Variants in CDH18 observed in about 807,000 individuals in gnomAD.
CDH18 encodes cadherin 18.
A neutral mutation model predicts 67.9 loss-of-function variants in CDH18; 31 were observed. That is an observed-to-expected ratio of 0.46 (90% CI 0.34 to 0.62). The LOEUF is 0.62. CDH18 is among the 20% of genes least tolerant of loss of function. The pLI is 0.01. For missense variants in CDH18, 890 were observed against 975.5 expected, an observed-to-expected ratio of 0.91 and a Z score of 1.17; for synonymous variants, 362 against 347.2, an observed-to-expected ratio of 1.04 and a Z score of -0.48.
At chr5:20,020,696 T>A (rs1455580349) in intron 2 of CDH18, among the ~76,000 whole-genome samples, 2 of 152,100 alleles carry the variant, frequency 1.3e-5, no homozygotes, top group African/African-American at 4.8e-5. Context: ...TTCCTCAATT[T>A]CAGAGGGTGT....
chr5:20,464,559 A>G (rs1398835763), intron 1 of CDH18, among the ~76,000 whole-genome samples: 1 of 152,182 alleles, frequency 6.6e-6, no homozygotes, highest in Non-Finnish European at 1.5e-5. Context: ...CAAATGAAAA[A>G]GACATAGTGG....
chr5:19,948,289 T>C (rs183341016), intron 2 of CDH18, among the ~76,000 whole-genome samples: 37 of 152,278 alleles, frequency 2.4e-4, no homozygotes, highest in Admixed American at 7.9e-4. Flanking sequence ...GATGAAAATT[T>C]TTGTTATTGT....
Position 19,669,215 on chromosome 5 carries a change from TATATA to T in CDH18, c.643+52127_643+52131del, listed in dbSNP as rs897146838. 2.9e-3 allele frequency among the ~76,000 whole-genome samples: 423 copies of T among 146,748 alleles called. 2 individuals are homozygous for T. The highest frequency in any genetic ancestry group is 6.5e-3 in the Admixed American group (95 of 14,528). On this transcript the variant is annotated intron_variant, in intron 5 of 12. Transcript: ENST00000382275. ...TATAATATATGATGTAATATAATTATATATAATATATGTTTAACTATATGATATAT... is the reference window on the plus strand; with the variant it reads ...TATAATATATGATGTAATATAATTATATATATGTTTAACTATATGATATAT...
rs75706467 is a variant in CDH18, at chr5:20,092,604, T to C, written c.-517-100590A>G. 2.2e-3 allele frequency among the ~76,000 whole-genome samples: 337 copies of C among 152,310 alleles called. 1 individual carries two copies. The highest frequency in any genetic ancestry group is 7.5e-3 in the African/African-American group (313 of 41,584). ...GATGACTGGTATTGAAAATTTGAAT[T>C]ATCATGAAAATATATATGTGTATTT... On this transcript the variant is annotated intron_variant, in intron 2 of 14. Coordinates refer to the CDH18 transcript ENST00000507958.
intron 1 of CDH18, among the ~76,000 whole-genome samples, chr5:20,460,597 G>A (rs1027160602): frequency 1.3e-5 from 2 of 151,842 alleles, no homozygotes; most frequent in African/African-American, 2.4e-5. Flanking sequence ...TTTGCTTATA[G>A]TCAGATTTCA....
intron 2 of CDH18, among the ~76,000 whole-genome samples, chr5:19,847,279 G>C (rs1783094871): frequency 6.6e-6 from 1 of 151,836 alleles, no homozygotes; most frequent in Admixed American, 6.6e-5. Context: ...TGATCTACTT[G>C]ATGTTGTTCC....
intron 2 of CDH18, among the ~76,000 whole-genome samples, chr5:19,908,224 A>G (rs1267275663): frequency 2.0e-5 from 3 of 152,090 alleles, no homozygotes; most frequent in East Asian, 3.9e-4. Flanking sequence ...AACTCCTTCC[A>G]TGGAAAGTGA....
intron 2 of CDH18, among the ~76,000 whole-genome samples, chr5:20,147,691 T>C (rs1350063890): frequency 6.6e-6 from 1 of 152,124 alleles, no homozygotes. Flanking sequence ...CCCCCAAAGT[T>C]GAAACCTTTT....
intron 3 of CDH18, among the ~76,000 whole-genome samples, chr5:19,806,853 A>C (rs1388854545): frequency 1.3e-5 from 2 of 152,200 alleles, no homozygotes; most frequent in African/African-American, 4.8e-5. Flanking sequence ...ATGTCAATAA[A>C]TACAGTAATT....
intron 1 of CDH18, among the ~76,000 whole-genome samples, chr5:20,432,892 A>G (rs1416488141): frequency 1.3e-5 from 2 of 149,888 alleles, no homozygotes; most frequent in African/African-American, 4.9e-5. Context: ...AAATTAAAAA[A>G]AATTATATAA....
At chr5:19,789,187 A>C in intron 3 of CDH18, among the ~76,000 whole-genome samples, 1 of 152,206 alleles carries the variant, frequency 6.6e-6, no homozygotes, top group East Asian at 1.9e-4. Context: ...GTGAAGCTAC[A>C]CCATGTCTGC....
At chr5:20,553,000 G>T (rs910585731) in intron 1 of CDH18, among the ~76,000 whole-genome samples, 2 of 152,166 alleles carry the variant, frequency 1.3e-5, no homozygotes, top group African/African-American at 4.8e-5. Flanking sequence ...TGATACGCCC[G>T]CCTGGGCCTC....
intron 5 of CDH18, among the ~76,000 whole-genome samples, chr5:19,708,928 G>C (rs1764318638): frequency 6.6e-6 from 1 of 151,980 alleles, no homozygotes; most frequent in African/African-American, 2.4e-5. Flanking sequence ...GGGACTCCAT[G>C]ACCGAGCTGG....
intron 2 of CDH18, among the ~76,000 whole-genome samples, chr5:20,217,299 AAAT>A (rs1740857730): frequency 1.3e-5 from 2 of 151,916 alleles, no homozygotes; most frequent in African/African-American, 4.8e-5. Flanking sequence ...AACCCATCAA[AAAT>A]AATAATGACA....
intron 2 of CDH18, among the ~76,000 whole-genome samples, chr5:20,248,483 A>C (rs1743557617): frequency 6.6e-6 from 1 of 152,178 alleles, no homozygotes; most frequent in African/African-American, 2.4e-5. Flanking sequence ...GGACCTCTGC[A>C]CCCAAACTAG....
chr5:19,780,126 G>A lies in CDH18; in HGVS notation c.229-32890C>T, dbSNP rs555208278. Among the ~76,000 whole-genome samples the A allele has an allele frequency of 2.6e-5, 4 of 152,156 alleles. No individual in the cohort carries two copies. In the South Asian group the frequency reaches 8.3e-4, roughly 31 times the overall value. On this transcript the variant is annotated intron_variant, in intron 3 of 12. Coordinates refer to ENST00000382275, the MANE Select transcript of CDH18 (RefSeq NM_004934.5). ...AGTATCTGTTTATTCCATATAGTGA[G>A]CTCCATCCACAGAAGAGTGCATAAC...
chr5:20,343,271 G>A (rs1274016530), intron 1 of CDH18, among the ~76,000 whole-genome samples: 1 of 152,160 alleles, frequency 6.6e-6, no homozygotes, highest in Non-Finnish European at 1.5e-5. Context: ...CTGATAGGAA[G>A]CCTACTGCAT....
intron 2 of CDH18, among the ~76,000 whole-genome samples, chr5:20,246,639 G>T (rs1160961233): frequency 6.6e-6 from 1 of 152,064 alleles, no homozygotes; most frequent in Non-Finnish European, 1.5e-5. Context: ...TTGATTACCA[G>T]ATCACCTCAA....
At chr5:20,084,065 C>T (rs1050914699) in intron 2 of CDH18, among the ~76,000 whole-genome samples, 1 of 151,924 alleles carries the variant, frequency 6.6e-6, no homozygotes, top group Non-Finnish European at 1.5e-5. Flanking sequence ...AGCATCAACT[C>T]AAAAGTCCAC....
Sources: allele counts gnomAD v4.1 joint callset (sites outside exome capture counted in the v4.1 genomes callset), GRCh38; gene constraint gnomAD v4.1.1; transcripts MANE v1.5; gene names NCBI Gene and HGNC (gene_info 2026-07-23, HGNC 2026-07-21).